The following UBA1 variants were observed in gnomAD, a reference collection of about 807,000 sequenced individuals.
The protein encoded by UBA1 is ubiquitin-like modifier-activating enzyme 1.
UBA1 carries 4 observed loss-of-function variants against 84.7 expected under a neutral mutation model. That is an observed-to-expected ratio of 0.05 (90% confidence interval 0.02 to 0.11). The LOEUF is 0.11. Ranked by LOEUF, UBA1 falls within the 10% of genes least tolerant of loss-of-function variation. The pLI, the probability that UBA1 is intolerant of heterozygous loss-of-function variation, is 1.00. For missense variants in UBA1, 513 were observed against 902.8 expected, an observed-to-expected ratio of 0.57 and a Z score of 5.53; for synonymous variants, 364 against 362.6, an observed-to-expected ratio of 1.00 and a Z score of -0.04.
chrX:47,192,562 T>C (rs1341397598), upstream of UBA1, among the ~76,000 whole-genome samples: 6 of 111,351 alleles, frequency 5.4e-5, no homozygotes, highest in Non-Finnish European at 1.1e-4. Flanking sequence ...CCAGCAATGT[T>C]CTAAGGCTCA....
At position 47,209,766 on chromosome X, in the gene UBA1, C is replaced by T; in HGVS notation, c.2003+79C>T. On this transcript the variant is annotated intron_variant, in intron 17 of 25. Coordinates refer to ENST00000335972, the MANE Select transcript of UBA1 (RefSeq NM_003334.4). ...CCGGCTGCTTTCCTCATGACAGTAA[C>T]ACTTGGCACCAGGCACACTTTTCAC... The T allele has an allele frequency of 2.7e-6, 3 of 1,107,609 alleles. No homozygotes were observed. The African/African-American group carries it at 5.4e-5, about 20-fold the overall frequency. 91.3% of individuals were successfully genotyped at this position (1,107,609 alleles called of 1,213,427 possible).
At position 47,196,249 on chromosome X, in the gene UBA1, C is replaced by T. The variant is rs926977011; in HGVS notation, c.-1+2225C>T. ...TCCCATTTGTCTCAGAGCCTCCTTG[C>T]TCTTAGACACCCACTTCCTGATTCT... is the stretch of plus-strand genomic sequence containing the variant. On this transcript the variant is annotated intron_variant, in intron 1 of 25. Transcript: ENST00000335972. 2.7e-5 allele frequency among the ~76,000 whole-genome samples: 3 copies of T among 111,300 alleles called. No individual in the cohort carries two copies. In the Admixed American group the frequency reaches 2.9e-4, roughly 11 times the overall value.
chrX:47,198,730 A>G (rs1219591418), intron 1 of UBA1, 73 bp from the exon 2 acceptor site: 1 of 1,003,322 alleles, frequency 1.0e-6, no homozygotes, highest in Admixed American at 2.2e-5. Flanking sequence ...CCCTTCCCCC[A>G]CAGTTGCTAC....
chrX:47,199,425 A>G (rs934250004), intron 4 of UBA1, 48 bp downstream of exon 4: 50 of 1,209,104 alleles, frequency 4.1e-5, no homozygotes, highest in Non-Finnish European at 5.5e-5. Context: ...CCGAGGCACC[A>G]CTGTTCCCGG....
intron 20 of UBA1, among the ~76,000 whole-genome samples, chrX:47,211,987 A>T (rs1936938469): frequency 1.6e-5 from 1 of 62,431 alleles, no homozygotes; most frequent in Non-Finnish European, 2.7e-5. Context: ...TATCTTCTCC[A>T]TCTCCCCCCA....
upstream of UBA1, among the ~76,000 whole-genome samples, chrX:47,191,204 C>T (rs1200012690): frequency 9.0e-6 from 1 of 111,200 alleles, no homozygotes. Context: ...TCTTAGGGTC[C>T]GTGTATGGGC....
At chrX:47,197,629 T>C (rs1556785902) in intron 1 of UBA1, 3 of 752,707 alleles carry the variant, frequency 4.0e-6, no homozygotes, top group Admixed American at 8.7e-5. Flanking sequence ...GCAGGCTTTA[T>C]TGTTCTGTCT....
chrX:47,209,379 C>G (rs1008324543), intron 16 of UBA1: 3 of 490,819 alleles, frequency 6.1e-6, no homozygotes, highest in Non-Finnish European at 1.1e-5. Context: ...GTCTCGAACC[C>G]TTGACCTCAG....
chrX:47,198,594 A>G (rs1227346443), intron 1 of UBA1, among the ~76,000 whole-genome samples: 1 of 111,445 alleles, frequency 9.0e-6, no homozygotes, highest in African/African-American at 3.3e-5. Flanking sequence ...AGCAGTGTGG[A>G]TTTGCAAATC....
At chrX:47,195,129 A>T (rs1014120643) in intron 1 of UBA1, among the ~76,000 whole-genome samples, 45 of 111,484 alleles carry the variant, frequency 4.0e-4, no homozygotes, top group African/African-American at 1.2e-3. Flanking sequence ...CTGCCCTCAG[A>T]TCGTTTCAAG....
intron 1 of UBA1, among the ~76,000 whole-genome samples, 191 bp downstream of exon 1, chrX:47,194,215 T>A (rs1413499879): frequency 8.9e-6 from 1 of 111,761 alleles, no homozygotes; most frequent in Non-Finnish European, 1.9e-5. Flanking sequence ...CGGCTCCCTC[T>A]GGTTGCAAAA....
chrX:47,194,505 C>A (rs936049773), intron 1 of UBA1, among the ~76,000 whole-genome samples: 1 of 111,996 alleles, frequency 8.9e-6, no homozygotes, highest in Admixed American at 9.4e-5. Context: ...GGTCCATAGG[C>A]CCTTTATCTC....
In UBA1 at chrX:47,202,490, C is replaced by T. The variant is rs782239995; in HGVS notation, c.1042C>T (p.Arg348Trp). ...CTGTGCTCAGCATGGCCGGCCACCTCGGCCCCGCAATGAGGTGGGTGAGTG... is the reference window on the plus strand; with the variant it reads ...CTGTGCTCAGCATGGCCGGCCACCTTGGCCCCGCAATGAGGTGGGTGAGTG... ...QFCAQHGRPP[R>W]PRNEEDAAEL... The change falls in exon 10 of 26, where the codon CGG becomes TGG. Residue 348 changes from arginine (R) to tryptophan (W), a missense_variant. Arg to Trp is a moderately radical substitution (Grantham distance 101). Around this residue, in one of 6 missense-constraint regions of UBA1, gnomAD observed 227 missense variants for 339.1 expected, o/e 0.67. Coordinates refer to ENST00000335972, the MANE Select transcript of UBA1 (RefSeq NM_003334.4). 9 of 1,199,761 alleles carry T rather than the reference C, an allele frequency of 7.5e-6. No individual in the cohort carries two copies. The highest frequency in any genetic ancestry group is 3.6e-5 in the South Asian group (2 of 55,339).
rs782311444 is a variant in UBA1 at position 47,201,486 on chromosome X, C to T, written c.687C>T (p.Pro229=). 37 of 1,211,890 alleles carry T rather than the reference C, an allele frequency of 3.1e-5. No individual in the cohort carries two copies. Among genetic ancestry groups the T allele is most frequent in the Non-Finnish European group, 3.5e-5 (31 of 895,544 alleles). The change falls in exon 8 of 26, where the codon CCC becomes CCT. Residue 229 remains proline (P), a synonymous_variant. Coordinates refer to ENST00000335972, the MANE Select transcript of UBA1 (RefSeq NM_003334.4). Reference sequence around the variant, plus strand: ...ACTCTTCCTTTAACCAGGACAACCCCGGTGTGGTTACCTGCCTGGATGAGG... The same window carrying T: ...ACTCTTCCTTTAACCAGGACAACCCTGGTGTGGTTACCTGCCTGGATGAGG... ...AMVSMVTKDN[P]GVVTCLDEAR... is the part of the protein sequence containing the mutation.
In UBA1 at chrX:47,202,381, A is replaced by C. The variant is rs782212704; in HGVS notation, c.933A>C (p.Ala311=). 1 of 1,210,100 alleles carries C rather than the reference A, an allele frequency of 8.3e-7. No homozygotes were observed. The highest frequency in any genetic ancestry group is 3.0e-5 in the East Asian group (1 of 33,770). The change falls in exon 10 of 26, where the codon GCA becomes GCC. Residue 311 remains alanine (A), a synonymous_variant. Transcript: ENST00000335972. ...AGAAATCCTTGGTGGCCTCACTGGC[A>C]GAACCTGACTTTGTGGTGACGGACT... is the stretch of plus-strand genomic sequence containing the variant. ...ISFKSLVASL[A]EPDFVVTDFA...
Position 47,202,007 on chromosome X carries a change from G to A in UBA1, c.812-149G>A, listed in dbSNP as rs782777390. 72 of 541,535 alleles carry A rather than the reference G, an allele frequency of 1.3e-4. No individual in the cohort carries two copies. In the African/African-American group the frequency reaches 1.5e-3, roughly 12 times the overall value. 44.6% of individuals were successfully genotyped at this position (541,535 alleles called of 1,213,427 possible). A position where few individuals can be genotyped will look rare whatever the true frequency, so the allele number is the denominator to read the frequency against. ...GCTGAGTCTGGGGCACAGGAGAGAT[G>A]GTTTCTGATGTCCAAGTGGAGCCTG... On this transcript the variant is annotated intron_variant, in intron 8 of 25. Transcript: ENST00000335972.
intron 22 of UBA1, 60 bp downstream of exon 22, chrX:47,212,923 GC>G: frequency 8.3e-7 from 1 of 1,207,078 alleles, no homozygotes; most frequent in Non-Finnish European, 1.1e-6. Flanking sequence ...CCCACACTTA[GC>G]CCCTCTGTAG....
intron 1 of UBA1, chrX:47,197,251 C>T: frequency 1.3e-6 from 1 of 755,102 alleles, no homozygotes; most frequent in Non-Finnish European, 1.6e-6. Flanking sequence ...AGCTGCATGC[C>T]TCTGGGCGAG....
Position 47,212,972 on chromosome X carries a change from G to C in UBA1, c.2647-18G>C, listed in dbSNP as rs782706893. 1 of 1,211,298 alleles carries C rather than the reference G, an allele frequency of 8.3e-7. No homozygotes were observed. The highest frequency in any genetic ancestry group is 1.1e-6 in the Non-Finnish European group (1 of 895,323). On this transcript the variant is annotated intron_variant, in intron 22 of 25. Transcript: ENST00000335972. Reference sequence around the variant, plus strand: ...TTGTACTTAACTACCACCTTCTTTTGTCCCTTCTGTCTCTCAGAGCAAGCT... The same window carrying C: ...TTGTACTTAACTACCACCTTCTTTTCTCCCTTCTGTCTCTCAGAGCAAGCT...
Sources: gnomAD v4.1 joint callset for allele counts (sites outside exome capture counted in the v4.1 genomes callset) on GRCh38, gnomAD v4.1.1 for gene constraint, gnomAD v4.1.1 regional missense constraint, MANE v1.5 for transcripts, NCBI Gene and HGNC (gene_info 2026-07-23, HGNC 2026-07-21) for gene names.